Variants in CX3CR1 observed in about 807,000 individuals in gnomAD.
CX3CR1 encodes CX3C chemokine receptor 1.
For missense variants in CX3CR1, 363 were observed against 432.4 expected, an observed-to-expected ratio of 0.84 and a Z score of 1.42; for synonymous variants, 168 against 178.5, an observed-to-expected ratio of 0.94 and a Z score of 0.47.
At chr3:39,285,556 A>T (rs1451135354), upstream of CX3CR1, among the ~76,000 whole-genome samples, 3 of 152,232 alleles carry the variant, frequency 2.0e-5, no homozygotes, top group African/African-American at 7.2e-5. Context: ...TTGGAACCAT[A>T]GCAAACAGGA....
chr3:39,285,254 G>A (rs758688645), upstream of CX3CR1, among the ~76,000 whole-genome samples: 2 of 150,558 alleles, frequency 1.3e-5, no homozygotes, highest in Non-Finnish European at 3.0e-5. Flanking sequence ...TGGTGGTGCC[G>A]ACCTGTAGTC....
At chr3:39,280,153 A>C (rs2040879373), upstream of CX3CR1, 1 of 976,764 alleles carries the variant, frequency 1.0e-6, no homozygotes, top group Admixed American at 6.1e-5. Flanking sequence ...TCCAGGGTGG[A>C]GGCCAGCTGC....
At chr3:39,283,803 A>T (rs1309060842), upstream of CX3CR1, among the ~76,000 whole-genome samples, 65 of 45,394 alleles carry the variant, frequency 1.4e-3, 1 homozygote, top group African/African-American at 7.8e-3. Flanking sequence ...AATTATATAT[A>T]TATATATATA....
the CX3CR1 span, among the ~76,000 whole-genome samples, chr3:39,289,787 T>C: frequency 6.6e-6 from 1 of 152,012 alleles, no homozygotes; most frequent in Non-Finnish European, 1.5e-5. Flanking sequence ...AGGACTGGTG[T>C]CCTTATCAGA....
At chr3:39,291,497 T>C in the CX3CR1 span, among the ~76,000 whole-genome samples, 1 of 152,208 alleles carries the variant, frequency 6.6e-6, no homozygotes, top group East Asian at 1.9e-4. Context: ...CTCAAAATCC[T>C]CTTTGGAAAA....
rs546393008 is a variant in CX3CR1 at position 39,270,956 on chromosome 3, G to A, written c.-9-4438C>T. 3.3e-5 allele frequency among the ~76,000 whole-genome samples: 5 copies of A among 152,326 alleles called. No individual in the cohort carries two copies. In the South Asian group the frequency reaches 1.0e-3, roughly 32 times the overall value. On this transcript the variant is annotated intron_variant, in intron 1 of 1. Transcript: ENST00000399220. The stretch of plus-strand genomic sequence containing the variant: ...TCATCTCTATTTTTATGGGCAAATA[G>A]ATGAATTCAGAGAGGGTGAATAACT...
chr3:39,278,806 G>A (rs1182581735), intron 1 of CX3CR1, among the ~76,000 whole-genome samples: 2 of 152,094 alleles, frequency 1.3e-5, no homozygotes, highest in African/African-American at 2.4e-5. Flanking sequence ...ATAACAAGCC[G>A]TGGTCAGTCC....
chr3:39,272,066 C>G (rs905419244), intron 1 of CX3CR1, among the ~76,000 whole-genome samples: 1 of 152,166 alleles, frequency 6.6e-6, no homozygotes, highest in African/African-American at 2.4e-5. Context: ...GTGGAAGAAT[C>G]AAATGAGAAG....
intron 1 of CX3CR1, among the ~76,000 whole-genome samples, chr3:39,268,151 T>C (rs999837494): frequency 4.6e-5 from 7 of 152,160 alleles, no homozygotes; most frequent in Non-Finnish European, 7.4e-5. Flanking sequence ...ACTTCTCGCT[T>C]CCCAGCCTCT....
the CX3CR1 span, among the ~76,000 whole-genome samples, chr3:39,290,909 G>A: frequency 2.6e-5 from 4 of 151,832 alleles, no homozygotes; most frequent in Admixed American, 2.0e-4. Context: ...GGGACACTGC[G>A]AGACTCTGAC....
rs369018912 is a variant in CX3CR1, at chr3:39,266,498, G to T, written c.12C>A (p.Phe4Leu). MDQ[F>L]PESVTENFEY... ...CAAAGTTTTCTGTCACTGATTCAGG[G>T]AACTGATCCATGGTGAAGGCCTGGA... The change falls in exon 2 of 2, where the codon TTC becomes TTA. Residue 4 changes from phenylalanine (F) to leucine (L), a missense_variant. Physicochemically the swap from Phe to Leu is conservative, Grantham distance 22. Transcript: ENST00000399220. 7.6e-5 allele frequency: 122 copies of T among 1,613,720 alleles called. No individual in the cohort carries two copies. Among genetic ancestry groups the T allele is most frequent in the Admixed American group, 4.3e-4 (26 of 60,002 alleles).
In CX3CR1 at chr3:39,263,658, A is replaced by G. The variant is rs1167473498; in HGVS notation, c.*1784T>C. Reference sequence around the variant, plus strand: ...ACTGCCAAAGAGCTATCAGATACACAGCAATTTAACAGTTACCACATCTGA... The same window carrying G: ...ACTGCCAAAGAGCTATCAGATACACGGCAATTTAACAGTTACCACATCTGA... On this transcript the variant is annotated 3_prime_UTR_variant, in exon 2 of 2. Transcript: ENST00000399220. The G allele has an allele frequency of 1.3e-5, 2 of 152,250 alleles. No individual in the cohort carries two copies. The highest frequency in any genetic ancestry group is 6.5e-5 in the Admixed American group (1 of 15,288). 9.4% of individuals were successfully genotyped at this position (152,250 alleles called of 1,614,324 possible).
intron 1 of CX3CR1, 112 bp downstream of exon 1, chr3:39,279,842 C>T (rs1300959287): frequency 2.9e-6 from 1 of 343,264 alleles, no homozygotes; most frequent in Non-Finnish European, 4.1e-6. Context: ...CTACAACATC[C>T]CCAGGAAAAT....
At chr3:39,290,542 C>G in the CX3CR1 span, among the ~76,000 whole-genome samples, 1 of 152,178 alleles carries the variant, frequency 6.6e-6, no homozygotes, top group African/African-American at 2.4e-5. Flanking sequence ...CCTTCATTCA[C>G]TATGCCAAAG....
At chr3:39,292,623 G>A in the CX3CR1 span, among the ~76,000 whole-genome samples, 1 of 152,226 alleles carries the variant, frequency 6.6e-6, no homozygotes, top group Non-Finnish European at 1.5e-5. Flanking sequence ...CCTGTGCTAA[G>A]TAAGTGCCTT....
upstream of CX3CR1, chr3:39,286,447 G>C (rs2040943385): frequency 1.3e-5 from 2 of 151,636 alleles, no homozygotes; most frequent in African/African-American, 2.4e-5. Context: ...TCAGGAGATC[G>C]AGACCATCCT....
At chr3:39,291,236 T>C in the CX3CR1 span, among the ~76,000 whole-genome samples, 14 of 152,114 alleles carry the variant, frequency 9.2e-5, no homozygotes, top group African/African-American at 3.4e-4. Context: ...TTTGTATTTT[T>C]AGTAGAGATG....
At chr3:39,274,677 T>A (rs1278077132) in intron 1 of CX3CR1, among the ~76,000 whole-genome samples, 1 of 152,160 alleles carries the variant, frequency 6.6e-6, no homozygotes, top group Non-Finnish European at 1.5e-5. Flanking sequence ...ATAATTTTTT[T>A]AATAATTAGG....
In CX3CR1 at chr3:39,266,043, G is replaced by A. The variant is rs781270208; in HGVS notation, c.467C>T (p.Ala156Val). 6.2e-7 allele frequency: 1 copy of A among 1,614,108 alleles called. No individual in the cohort carries two copies. The highest frequency in any genetic ancestry group is 1.3e-5 in the African/African-American group (1 of 74,924). The change falls in exon 2 of 2, where the codon GCA becomes GTA. Residue 156 changes from alanine to valine, a missense_variant. Coordinates refer to ENST00000399220, the MANE Select transcript of CX3CR1 (RefSeq NM_001337.4). ...GVTISLGVWA[A>V]AILVAAPQFM... ...CTGGGGTGCTGCCACCAAAATGGCT[G>A]CTGCCCAGACGCCTAGGCTGATGGT...
Sources: gnomAD v4.1 joint callset for allele counts (sites outside exome capture counted in the v4.1 genomes callset) on GRCh38, gnomAD v4.1.1 for gene constraint, MANE v1.5 for transcripts, NCBI Gene and HGNC (gene_info 2026-07-23, HGNC 2026-07-21) for gene names.